EIF4A3: variants seen among roughly 807,000 people sequenced by gnomAD.
The protein encoded by EIF4A3 is eukaryotic initiation factor 4A-III.
A neutral mutation model predicts 55.6 loss-of-function variants in EIF4A3; 1 was observed. The observed-to-expected ratio is 0.02, with a 90% CI of 0.01 to 0.09. EIF4A3 has a LOEUF of 0.09. Among genes scored for constraint, EIF4A3 ranks in the 10% least tolerant of loss-of-function variants. The pLI is 1.00. For synonymous variants in EIF4A3, 194 were observed against 196.3 expected (o/e 0.99, Z 0.10); for missense variants, 221 against 540.7 (o/e 0.41, Z 5.86).
chr17:80,146,308 C>A (rs2039662189), intron 1 of EIF4A3, among the ~76,000 whole-genome samples: 2 of 152,054 alleles, frequency 1.3e-5, no homozygotes, highest in South Asian at 4.2e-4. Context: ...AACCCCCTTA[C>A]CTCTCTGCTT....
intron 11 of EIF4A3, 108 bp from the exon 12 acceptor site, chr17:80,135,614 G>C: frequency 9.8e-7 from 1 of 1,021,142 alleles, no homozygotes; most frequent in Non-Finnish European, 1.5e-6. Flanking sequence ...ACAAAAAACA[G>C]GCCAGACATA....
Position 80,147,051 on chromosome 17 carries a change from CGCTGCCGACCTCGCTGTG to C in EIF4A3, c.-108_-91del. 8.0e-7 allele frequency: 1 copy of C among 1,245,516 alleles called. No homozygotes were observed. The highest frequency in any genetic ancestry group is 1.0e-6 in the Non-Finnish European group (1 of 966,664). 77.2% of individuals were successfully genotyped at this position (1,245,516 alleles called of 1,614,324 possible). On this transcript the variant is annotated 5_prime_UTR_variant, in exon 1 of 12. Transcript: ENST00000649764. ...GCTGTGCCGCTGCCGACCTCGCTGC[CGCTGCCGACCTCGCTGTG>C]CCGCTGCCGACCTCGCTGTGCCGCT... is the stretch of plus-strand genomic sequence containing the variant.
chr17:80,137,411 T>A lies in EIF4A3; in HGVS notation c.958A>T (p.Met320Leu). ...CTGGCGCCCGACCGGAACTCCTTCA[T>A]GATGGACTCCCGCTCTTTCTGGGGC... is the stretch of plus-strand genomic sequence containing the variant. Reference protein sequence around the residue: ...DMPQKERESIMKEFRSGASRV... With the variant: ...DMPQKERESILKEFRSGASRV... The change falls in exon 9 of 12, where the codon ATG becomes TTG. Residue 320 changes from methionine to leucine, a missense_variant. By Grantham distance (15) the Met-to-Leu change is conservative. This residue lies in a region of EIF4A3 where 93 missense variants were observed against 278.5 expected (regional missense o/e 0.33). Coordinates refer to ENST00000649764, the MANE Select transcript of EIF4A3 (RefSeq NM_014740.4). 1 of 1,614,046 alleles carries A rather than the reference T, an allele frequency of 6.2e-7. No homozygotes were observed. The highest frequency in any genetic ancestry group is 8.5e-7 in the Non-Finnish European group (1 of 1,179,972).
Position 80,146,794 on chromosome 17 carries a change from G to A in EIF4A3, c.168C>T (p.Tyr56=). The A allele has an allele frequency of 1.2e-6, 2 of 1,606,584 alleles. No individual in the cohort carries two copies. Among genetic ancestry groups the A allele is most frequent in the Non-Finnish European group, 1.7e-6 (2 of 1,178,608 alleles). ...REDLLRGIYA[Y]GFEKPSAIQQ... ...CCCCCGCGGCCCGCGCCCGCTCACC[G>A]TAAGCGTAGATGCCCCGCAGCAGGT... Residue 56 remains tyrosine, a splice_region_variant and synonymous_variant, in exon 1 of 12, where the codon TAC becomes TAT. Transcript: ENST00000649764.
chr17:80,139,665 C>G lies in EIF4A3; in HGVS notation c.586+5G>C, dbSNP rs751402013. 6.2e-6 allele frequency: 10 copies of G among 1,611,556 alleles called. No homozygotes were observed. The highest frequency in any genetic ancestry group is 8.5e-6 in the Non-Finnish European group (10 of 1,178,584). Reference sequence around the variant, plus strand: ...GTAGAAGAGTAATTCTTTTGTTGCTCATACCTTTATTCAACATTTCATCAG... The same window carrying G: ...GTAGAAGAGTAATTCTTTTGTTGCTGATACCTTTATTCAACATTTCATCAG... On this transcript the variant is annotated splice_donor_5th_base_variant and intron_variant, in intron 6 of 11. Transcript: ENST00000649764.
At chr17:80,138,000 C>T in intron 8 of EIF4A3, 142 bp downstream of exon 8, 2 of 1,112,824 alleles carry the variant, frequency 1.8e-6, no homozygotes, top group East Asian at 2.4e-5. Flanking sequence ...TTGTCTACAG[C>T]TGCTTTTACA....
chr17:80,135,171 AAG>A lies in EIF4A3; in HGVS notation c.*317_*318del. On this transcript the variant is annotated 3_prime_UTR_variant, in exon 12 of 12. Coordinates refer to ENST00000649764, the MANE Select transcript of EIF4A3 (RefSeq NM_014740.4). ...TCTCAAAAAAAAAAAAGAAAAAGAA[AAG>A]AAAAAAAGAAAAGTGAGTGAAATGA... 7.3e-6 allele frequency: 2 copies of A among 274,334 alleles called. No individual in the cohort carries two copies. The highest frequency in any genetic ancestry group is 1.4e-5 in the Non-Finnish European group (2 of 147,696). 17.0% of individuals were successfully genotyped at this position (274,334 alleles called of 1,614,324 possible).
chr17:80,137,715 A>C, intron 8 of EIF4A3: 1 of 528,108 alleles, frequency 1.9e-6, no homozygotes, highest in African/African-American at 1.9e-5. Flanking sequence ...TTCTCCATAT[A>C]ATGACTCTAT....
intron 8 of EIF4A3, among the ~76,000 whole-genome samples, chr17:80,137,900 C>T (rs1326116438): frequency 6.6e-6 from 1 of 152,150 alleles, no homozygotes; most frequent in Non-Finnish European, 1.5e-5. Context: ...CCACCTTCAG[C>T]CAACGAAATC....
intron 2 of EIF4A3, 22 bp downstream of exon 2, chr17:80,144,150 G>A (rs758357861): frequency 1.3e-5 from 21 of 1,613,022 alleles, no homozygotes; most frequent in Admixed American, 6.7e-5. Context: ...CCAGCCCTGC[G>A]CCGCACCCCA....
chr17:80,144,104 G>C, intron 2 of EIF4A3, 68 bp downstream of exon 2: 1 of 1,435,572 alleles, frequency 7.0e-7, no homozygotes, highest in South Asian at 1.1e-5. Context: ...AGTCATCCCA[G>C]AGCATCTAAC....
In EIF4A3 at chr17:80,147,047, C is replaced by CCG. The variant is rs1555606398; in HGVS notation, c.-87_-86insCG. 7 of 1,157,122 alleles carry CCG rather than the reference C, an allele frequency of 6.0e-6. No individual in the cohort carries two copies. The African/African-American group carries it at 1.4e-4, about 23-fold the overall frequency. The allele number at this position is 1,157,122 out of a possible 1,614,324, so 71.7% of individuals were successfully genotyped here. A position where few individuals can be genotyped will look rare whatever the true frequency, so the allele number is the denominator to read the frequency against. ...CCTCGCTGTGCCGCTGCCGACCTCG[C>CCG]TGCCGCTGCCGACCTCGCTGTGCCG... is the stretch of plus-strand genomic sequence containing the variant. On this transcript the variant is annotated 5_prime_UTR_variant, in exon 1 of 12. Coordinates refer to ENST00000649764, the MANE Select transcript of EIF4A3 (RefSeq NM_014740.4).
At position 80,139,860 on chromosome 17, in the gene EIF4A3, T is replaced by C. The variant is rs956035028; in HGVS notation, c.506-110A>G. The C allele has an allele frequency of 1.5e-4, 220 of 1,472,840 alleles. 1 individual carries two copies. The highest frequency in any genetic ancestry group is 6.4e-4 in the South Asian group (51 of 80,290). 91.2% of individuals were successfully genotyped at this position (1,472,840 alleles called of 1,614,324 possible). Reference sequence around the variant, plus strand: ...GCTCATCATTCCACTGGTCTCAGGGTTCCAGAGACCTTCCCTCTACCTCCT... The same window carrying C: ...GCTCATCATTCCACTGGTCTCAGGGCTCCAGAGACCTTCCCTCTACCTCCT... On this transcript the variant is annotated intron_variant, in intron 5 of 11. Transcript: ENST00000649764.
In EIF4A3 at chr17:80,146,987, G is replaced by C. The variant is rs1416309645; in HGVS notation, c.-26C>G. The stretch of plus-strand genomic sequence containing the variant: ...GATTCAGAGTCCGCGGAAGAGCACA[G>C]CGCGCGCCGCTGCCGACCTCGCTGC... On this transcript the variant is annotated 5_prime_UTR_variant, in exon 1 of 12. Coordinates refer to ENST00000649764, the MANE Select transcript of EIF4A3 (RefSeq NM_014740.4). 2 of 1,562,808 alleles carry C rather than the reference G, an allele frequency of 1.3e-6. No homozygotes were observed. Among genetic ancestry groups the C allele is most frequent in the African/African-American group, 2.9e-5 (2 of 69,728 alleles).
At chr17:80,144,298 T>C in intron 1 of EIF4A3, 54 bp from the exon 2 acceptor site, 4 of 1,554,048 alleles carry the variant, frequency 2.6e-6, no homozygotes, top group Non-Finnish European at 3.5e-6. Flanking sequence ...ATAGAAACCC[T>C]GTACTGTGAG....
intron 2 of EIF4A3, among the ~76,000 whole-genome samples, chr17:80,143,775 T>C (rs1179920350): frequency 2.0e-5 from 3 of 150,880 alleles, no homozygotes; most frequent in African/African-American, 7.4e-5. Flanking sequence ...GGTCAGGAGT[T>C]TGAGACCAGC....
intron 6 of EIF4A3, 114 bp downstream of exon 6, chr17:80,139,556 G>C: frequency 1.1e-6 from 1 of 919,736 alleles, no homozygotes; most frequent in Non-Finnish European, 1.6e-6. Context: ...GTTTTTCCAC[G>C]ATGAAAACAC....
intron 4 of EIF4A3, 149 bp from the exon 5 acceptor site, chr17:80,140,289 T>A: frequency 2.0e-5 from 19 of 942,404 alleles, no homozygotes; most frequent in African/African-American, 3.5e-5. Context: ...TGCTCTTTTC[T>A]CTGACAAAAA....
At chr17:80,146,324 A>G (rs2039662262) in intron 1 of EIF4A3, among the ~76,000 whole-genome samples, 1 of 151,048 alleles carries the variant, frequency 6.6e-6, no homozygotes, top group African/African-American at 2.4e-5. Flanking sequence ...TGCTTTACTA[A>G]TTCTCTCCTC....
Sources: gnomAD v4.1 joint callset for allele counts (sites outside exome capture counted in the v4.1 genomes callset) on GRCh38, gnomAD v4.1.1 for gene constraint, gnomAD v4.1.1 regional missense constraint, MANE v1.5 for transcripts, NCBI Gene and HGNC (gene_info 2026-07-23, HGNC 2026-07-21) for gene names.